Variants in JAK3 observed in about 807,000 individuals in gnomAD.
JAK3 encodes tyrosine-protein kinase JAK3.
A neutral mutation model predicts 120.8 loss-of-function variants in JAK3; 88 were observed. The ratio of observed to expected loss-of-function variants is 0.73; its 90% CI spans 0.61 to 0.87. The LOEUF (loss-of-function observed/expected upper bound fraction) is 0.87. Ranked by LOEUF, JAK3 falls within the 40% of genes least tolerant of loss-of-function variation. The pLI is 0.00. For synonymous variants in JAK3, 592 were observed against 628.6 expected (o/e 0.94, Z 0.87); for missense variants, 1,254 against 1,501.4 (o/e 0.84, Z 2.72).
chr19:17,834,930 G>A lies in JAK3; in HGVS notation c.2121C>T (p.Asp707=). 1 of 1,614,196 alleles carries A rather than the reference G, an allele frequency of 6.2e-7. No individual in the cohort carries two copies. The highest frequency in any genetic ancestry group is 1.1e-5 in the South Asian group (1 of 91,084). Residue 707 remains aspartate, a synonymous_variant, in exon 16 of 24, where the codon GAC becomes GAT. Coordinates refer to ENST00000458235, the MANE Select transcript of JAK3 (RefSeq NM_000215.4). ...REAQTLSLEA[D]KWGFGATVWE... ...AGACCGTGGCGCCGAAGCCCCACTT[G>A]TCAGCTTCCAAGCTAAGTGTCTGCG...
At position 17,842,257 on chromosome 19, in the gene JAK3, G is replaced by GCCCCAACCCCAGC; in HGVS notation, c.861+58_861+59insGCTGGGGTTGGGG. 6 of 1,424,412 alleles carry GCCCCAACCCCAGC rather than the reference G, an allele frequency of 4.2e-6. No homozygotes were observed. The highest frequency in any genetic ancestry group is 1.4e-5 in the African/African-American group (1 of 69,834). 88.2% of individuals were successfully genotyped at this position (1,424,412 alleles called of 1,614,324 possible). A position where few individuals can be genotyped will look rare whatever the true frequency, so the allele number is the denominator to read the frequency against. ...GCCCCACATCCCCTACCACTCTCCG[G>GCCCCAACCCCAGC]CCCCTCCCCGAGCCCCGCCCCCACG... On this transcript the variant is annotated intron_variant, in intron 6 of 23. Coordinates refer to ENST00000458235, the MANE Select transcript of JAK3 (RefSeq NM_000215.4). This position sits in a 1 kb window ranked among gnomAD's most constrained non-coding sequence, Gnocchi z 6.4.
At chr19:17,835,266 A>G (rs1457244470) in intron 14 of JAK3, 51 bp from the exon 15 acceptor site, 1 of 1,600,080 alleles carries the variant, frequency 6.2e-7, no homozygotes, top group Non-Finnish European at 8.5e-7. Flanking sequence ...ATGAATGAAG[A>G]GTCTGTTTGG....
chr19:17,847,811 C>A (rs1462004250), intron 1 of JAK3, 135 bp downstream of exon 1: 2 of 250,982 alleles, frequency 8.0e-6, no homozygotes, highest in Admixed American at 1.3e-4. Flanking sequence ...ACGTCTGCCT[C>A]GCAGCTTTCC....
chr19:17,839,562 C>T lies in JAK3; in HGVS notation c.1356G>A (p.Glu452=), dbSNP rs1455330453. ...CCCCATCCCAGCAGGTTGCCAGGAG[C>T]TCTCGAAGACTGCTGTGGGGTCGGC... ...GLSRPHSSLR[E]LLATCWDGGL... The change falls in exon 10 of 24, where the codon GAG becomes GAA. Residue 452 remains glutamate, a synonymous_variant. Transcript: ENST00000458235. 1 of 1,609,260 alleles carries T rather than the reference C, an allele frequency of 6.2e-7. No homozygotes were observed. Among genetic ancestry groups the T allele is most frequent in the Non-Finnish European group, 8.5e-7 (1 of 1,178,226 alleles).
In JAK3 at chr19:17,839,529, G is replaced by A. The variant is rs201132330; in HGVS notation, c.1389C>T (p.His463=). The A allele has an allele frequency of 1.2e-5, 19 of 1,601,396 alleles. No homozygotes were observed. Among genetic ancestry groups the A allele is most frequent in the Middle Eastern group, 1.6e-4 (1 of 6,068 alleles). Residue 463 remains histidine, a synonymous_variant, in exon 10 of 24, where the codon CAC becomes CAT. Transcript: ENST00000458235. Reference sequence around the variant, plus strand: ...TGAGGGTCACTGCCACCCCATCTACGTGCAGCCCCCCATCCCAGCAGGTTG... The same window carrying A: ...TGAGGGTCACTGCCACCCCATCTACATGCAGCCCCCCATCCCAGCAGGTTG... ...LLATCWDGGL[H]VDGVAVTLTS... is the part of the protein sequence containing the mutation.
chr19:17,844,813 AG>A lies in JAK3; in HGVS notation c.-13-384del, dbSNP rs375792760. Among the ~76,000 whole-genome samples, 3 of 62,852 alleles carry A rather than the reference AG, an allele frequency of 4.8e-5. No homozygotes were observed. The South Asian group carries it at 1.3e-3, about 28-fold the overall frequency. 41.2% of individuals were successfully genotyped at this position (62,852 alleles called of 152,430 possible). On this transcript the variant is annotated intron_variant, in intron 1 of 23. Coordinates refer to ENST00000458235, the MANE Select transcript of JAK3 (RefSeq NM_000215.4). Reference sequence around the variant, plus strand: ...CTCTGTCTCAAAAAAAAAAAAAAAAAGAAAGAAAGAAAGAAAGAAAGAAGGA... The same window carrying A: ...CTCTGTCTCAAAAAAAAAAAAAAAAAAAAGAAAGAAAGAAAGAAAGAAGGA...
chr19:17,837,428 G>C (rs1342779407), intron 12 of JAK3, among the ~76,000 whole-genome samples: 1 of 151,936 alleles, frequency 6.6e-6, no homozygotes, highest in Non-Finnish European at 1.5e-5. Flanking sequence ...GTTTTGTTTT[G>C]TTTTTGAGAC....
chr19:17,833,063 G>T, intron 17 of JAK3, 134 bp from the exon 18 acceptor site: 2 of 1,477,864 alleles, frequency 1.4e-6, no homozygotes, highest in Non-Finnish European at 1.8e-6. Context: ...GCAAGCCAAA[G>T]GGTACCTTGT....
At chr19:17,845,324 C>T (rs2238644) in intron 1 of JAK3, among the ~76,000 whole-genome samples, 50,479 of 151,938 alleles carry the variant, frequency 0.33, 9,886 homozygotes, top group African/African-American at 0.55. Context: ...GGCACCACCA[C>T]GCCCAGCTAA....
chr19:17,837,987 C>T lies in JAK3; in HGVS notation c.1646G>A (p.Arg549Gln), dbSNP rs201972084. ...GACCTTCAGCAGCACCTCTGTCTTT[C>T]GGGCCTCCCCATCCACCACCTCATG... is the stretch of plus-strand genomic sequence containing the variant. ...CRHEVVDGEA[R>Q]KTEVLLKVMD... is the part of the protein sequence containing the mutation. The change falls in exon 12 of 24, where the codon CGA becomes CAA. Residue 549 changes from arginine (R) to glutamine (Q), a missense_variant. By Grantham distance (43) the Arg-to-Gln change is conservative. Around this residue, in one of 3 missense-constraint regions of JAK3, gnomAD observed 630 missense variants for 819.8 expected, o/e 0.77. Transcript: ENST00000458235. The T allele has an allele frequency of 1.3e-5, 21 of 1,614,006 alleles. No homozygotes were observed. In the African/African-American group the frequency reaches 1.6e-4, roughly 12 times the overall value.
chr19:17,827,797 G>C (rs1290563258), intron 23 of JAK3, among the ~76,000 whole-genome samples: 2 of 144,298 alleles, frequency 1.4e-5, no homozygotes, highest in Non-Finnish European at 1.5e-5. Flanking sequence ...AGCTACTCGG[G>C]AGTCTAAGGC....
In JAK3 at chr19:17,842,257, G is replaced by GC; in HGVS notation, c.861+58dup. 7 of 1,424,408 alleles carry GC rather than the reference G, an allele frequency of 4.9e-6. No homozygotes were observed. The highest frequency in any genetic ancestry group is 6.5e-6 in the Non-Finnish European group (7 of 1,079,038). 88.2% of individuals were successfully genotyped at this position (1,424,408 alleles called of 1,614,324 possible). On this transcript the variant is annotated intron_variant, in intron 6 of 23. Coordinates refer to ENST00000458235, the MANE Select transcript of JAK3 (RefSeq NM_000215.4). The surrounding 1 kb of genome is among the most constrained non-coding windows in gnomAD (Gnocchi z 6.4). ...GCCCCACATCCCCTACCACTCTCCG[G>GC]CCCCTCCCCGAGCCCCGCCCCCACG...
intron 8 of JAK3, 143 bp from the exon 9 acceptor site, chr19:17,840,484 C>T: frequency 1.5e-6 from 1 of 666,786 alleles, no homozygotes; most frequent in East Asian, 2.8e-5. Flanking sequence ...CAGCCATGGG[C>T]CAGGCGCCGT....
At chr19:17,844,796 CAAA>C (rs1227224590) in intron 1 of JAK3, among the ~76,000 whole-genome samples, 2 of 92,788 alleles carry the variant, frequency 2.2e-5, no homozygotes, top group Non-Finnish European at 2.2e-5. Flanking sequence ...GACTCTGTCT[CAAA>C]AAAAAAAAAA....
In JAK3 at chr19:17,847,694, C is replaced by T. The variant is rs562708900; in HGVS notation, c.-14+252G>A. 5.9e-4 allele frequency among the ~76,000 whole-genome samples: 89 copies of T among 151,726 alleles called. 2 individuals carry two copies. Among genetic ancestry groups the T allele is most frequent in the East Asian group, 3.5e-3 (18 of 5,126 alleles). The stretch of plus-strand genomic sequence containing the variant: ...CCACCCCCAACCCCGCAGCCCCCGT[C>T]GCGCATGCGCAATGACTCCTCCAGG... On this transcript the variant is annotated intron_variant, in intron 1 of 23. Transcript: ENST00000458235.
chr19:17,838,882 A>G (rs2094230929), intron 10 of JAK3, among the ~76,000 whole-genome samples: 1 of 151,514 alleles, frequency 6.6e-6, no homozygotes, highest in South Asian at 2.1e-4. Flanking sequence ...CACCCAGCTA[A>G]TTTTTGTATT....
At chr19:17,833,668 T>C (rs1399502093) in intron 17 of JAK3, among the ~76,000 whole-genome samples, 2 of 150,248 alleles carry the variant, frequency 1.3e-5, no homozygotes, top group Non-Finnish European at 2.9e-5. Context: ...CCGGCCAACA[T>C]GGCAAAACCC....
chr19:17,841,751 G>T lies in JAK3; in HGVS notation c.873C>A (p.Pro291=), dbSNP rs1469526463. The change falls in exon 7 of 24, where the codon CCC becomes CCA. Residue 291 remains proline (P), a synonymous_variant. Transcript: ENST00000458235. This position sits in a 1 kb window ranked among gnomAD's most constrained non-coding sequence, Gnocchi z 4.1. Reference sequence around the variant, plus strand: ...CTACGATTTCTGGAAAGTCGCAGAAGGGCTGGAGGACCTGGGAAGGAGGGG... The same window carrying T: ...CTACGATTTCTGGAAAGTCGCAGAATGGCTGGAGGACCTGGGAAGGAGGGG... ...WTQGEQEVLQ[P]FCDFPEIVDI... is the part of the protein sequence containing the mutation. 1 of 1,607,174 alleles carries T rather than the reference G, an allele frequency of 6.2e-7. No individual in the cohort carries two copies. Among genetic ancestry groups the T allele is most frequent in the Admixed American group, 1.7e-5 (1 of 60,010 alleles).
intron 17 of JAK3, 125 bp from the exon 18 acceptor site, chr19:17,833,054 C>T: frequency 6.7e-7 from 1 of 1,490,740 alleles, no homozygotes; most frequent in Non-Finnish European, 9.0e-7. Context: ...AGGGCCATTG[C>T]AAGCCAAAGG....
Sources: allele counts gnomAD v4.1 joint callset (sites outside exome capture counted in the v4.1 genomes callset), GRCh38; gene constraint gnomAD v4.1.1; regional missense constraint gnomAD v4.1.1; non-coding constraint Gnocchi (gnomAD v3.1); transcripts MANE v1.5; gene names NCBI Gene and HGNC (gene_info 2026-07-23, HGNC 2026-07-21).